The following DOCK3 variants were observed in gnomAD, a reference collection of about 807,000 sequenced individuals.
DOCK3 encodes dedicator of cytokinesis protein 3.
DOCK3 carries 60 observed loss-of-function variants against 265.6 expected under a neutral mutation model. The ratio of observed to expected loss-of-function variants is 0.23; its 90% confidence interval spans 0.18 to 0.28. The LOEUF (loss-of-function observed/expected upper bound fraction) is 0.28. Among genes scored for constraint, DOCK3 ranks in the 10% least tolerant of loss-of-function variants. DOCK3 has a pLI of 1.00. For synonymous variants in DOCK3, 881 were observed against 938.0 expected (o/e 0.94, Z 1.11); for missense variants, 1,981 against 2,594.3 (o/e 0.76, Z 5.14).
intron 1 of DOCK3, among the ~76,000 whole-genome samples, chr3:50,702,951 C>G (rs1442068704): frequency 6.6e-6 from 1 of 152,090 alleles, no homozygotes; most frequent in Non-Finnish European, 1.5e-5. Flanking sequence ...CAACTTTTCC[C>G]CATTCCGTAT....
At chr3:50,754,157 C>CAAAA (rs71084110) in intron 1 of DOCK3, among the ~76,000 whole-genome samples, 29 of 61,478 alleles carry the variant, frequency 4.7e-4, no homozygotes, top group Admixed American at 5.9e-4. Flanking sequence ...GACTCTGTCT[C>CAAAA]AAAAAAAAAA....
chr3:51,079,487 C>T (rs1234561822), intron 7 of DOCK3, among the ~76,000 whole-genome samples: 2 of 151,952 alleles, frequency 1.3e-5, no homozygotes, highest in South Asian at 2.1e-4. Context: ...TGCATGCCAC[C>T]ACACTCAGCT....
chr3:51,228,185 A>G, intron 17 of DOCK3, 97 bp downstream of exon 17: 1 of 1,210,424 alleles, frequency 8.3e-7, no homozygotes, highest in Admixed American at 1.9e-5. Context: ...TGGGCAGGCC[A>G]GAAGACCAAG....
chr3:51,075,554 C>G, intron 7 of DOCK3, 114 bp downstream of exon 7: 1 of 818,710 alleles, frequency 1.2e-6, no homozygotes, highest in African/African-American at 1.7e-5. Flanking sequence ...GGCCTCTTTC[C>G]CAGTGTATTT....
chr3:51,219,957 T>C (rs1352129969), intron 14 of DOCK3, among the ~76,000 whole-genome samples: 1 of 152,218 alleles, frequency 6.6e-6, no homozygotes, highest in African/African-American at 2.4e-5. Flanking sequence ...CCTCTCATCC[T>C]GTTAGAGCAA....
intron 3 of DOCK3, among the ~76,000 whole-genome samples, chr3:50,879,110 C>A (rs1044931213): frequency 6.6e-6 from 1 of 152,104 alleles, no homozygotes; most frequent in African/African-American, 2.4e-5. Flanking sequence ...GCCTGCCTTA[C>A]AAGAGCTCCT....
At chr3:50,802,297 G>A (rs1007603070) in intron 2 of DOCK3, among the ~76,000 whole-genome samples, 3 of 152,024 alleles carry the variant, frequency 2.0e-5, no homozygotes, top group Non-Finnish European at 4.4e-5. Context: ...GTTGAGTGGT[G>A]TTTTACATTG....
intron 2 of DOCK3, among the ~76,000 whole-genome samples, chr3:50,833,868 C>T (rs1184131825): frequency 6.6e-6 from 1 of 152,198 alleles, no homozygotes; most frequent in East Asian, 1.9e-4. Context: ...CAAATAGTTT[C>T]CAAATTCTGG....
At chr3:51,281,462 CTTTGTTTTGT>C (rs962005247) in intron 27 of DOCK3, among the ~76,000 whole-genome samples, 1 of 151,822 alleles carries the variant, frequency 6.6e-6, no homozygotes, top group East Asian at 1.9e-4. Flanking sequence ...TTTGCTTATG[CTTTGTTTTGT>C]TTTGGTCATC....
Position 51,077,733 on chromosome 3 carries a change from T to C in DOCK3, c.549+2293T>C, listed in dbSNP as rs535681829. The stretch of plus-strand genomic sequence containing the variant: ...GTGAAGCAGTAAGGATCTATAGCTG[T>C]GATTTTCTTTTCACGTTTGGGATTC... On this transcript the variant is annotated intron_variant, in intron 7 of 52. Coordinates refer to ENST00000266037, the MANE Select transcript of DOCK3 (RefSeq NM_004947.5). Among the ~76,000 whole-genome samples, 3 of 152,194 alleles carry C rather than the reference T, an allele frequency of 2.0e-5. No individual in the cohort carries two copies. The South Asian group carries it at 6.2e-4, about 32-fold the overall frequency.
At chr3:50,845,509 T>C (rs562970732) in intron 3 of DOCK3, among the ~76,000 whole-genome samples, 1 of 152,210 alleles carries the variant, frequency 6.6e-6, no homozygotes, top group East Asian at 1.9e-4. Flanking sequence ...GAATAGTAAA[T>C]ATTTTAAGCT....
intron 9 of DOCK3, among the ~76,000 whole-genome samples, chr3:51,109,372 C>T (rs529547922): frequency 6.6e-6 from 1 of 152,238 alleles, no homozygotes; most frequent in East Asian, 1.9e-4. Flanking sequence ...ACAGCTAAGA[C>T]AGTGTTAAGA....
intron 5 of DOCK3, among the ~76,000 whole-genome samples, chr3:50,970,466 T>G (rs2077165289): frequency 6.6e-6 from 1 of 152,098 alleles, no homozygotes; most frequent in African/African-American, 2.4e-5. Context: ...CCTTTACTTC[T>G]TGAAGGCTTT....
At chr3:51,333,682 G>T (rs1196618073) in intron 35 of DOCK3, among the ~76,000 whole-genome samples, 4 of 152,138 alleles carry the variant, frequency 2.6e-5, no homozygotes, top group African/African-American at 9.7e-5. Context: ...TGGAGGACTT[G>T]AAGTTGGCTT....
intron 49 of DOCK3, among the ~76,000 whole-genome samples, chr3:51,370,062 T>C (rs1486130446): frequency 3.9e-5 from 6 of 152,110 alleles, no homozygotes; most frequent in African/African-American, 1.5e-4. Context: ...ATGCTGAAGA[T>C]TTGTCAGTAT....
intron 21 of DOCK3, among the ~76,000 whole-genome samples, chr3:51,239,441 C>G (rs957133135): frequency 6.6e-6 from 1 of 152,000 alleles, no homozygotes; most frequent in Non-Finnish European, 1.5e-5. Context: ...ATCTCCTGAC[C>G]TGCCTCGGCC....
In DOCK3 at chr3:51,227,494, ACTCT is replaced by A. The variant is rs749560940; in HGVS notation, c.1540+53_1540+56del. 1.9e-6 allele frequency: 3 copies of A among 1,605,680 alleles called. No homozygotes were observed. In the South Asian group the frequency reaches 3.3e-5, roughly 18 times the overall value. ...ACATTCCCTTGAGAATATAAATATA[ACTCT>A]CTCCTCTCTTGAACAGAATTAAGTG... is the stretch of plus-strand genomic sequence containing the variant. On this transcript the variant is annotated intron_variant, in intron 16 of 52. Transcript: ENST00000266037.
chr3:51,228,527 C>A, intron 17 of DOCK3, 134 bp from the exon 18 acceptor site: 1 of 967,760 alleles, frequency 1.0e-6, no homozygotes, highest in Non-Finnish European at 1.5e-6. Context: ...AGAAAGTACT[C>A]TTCCAAGAGG....
chr3:51,079,054 T>A (rs6445802), intron 7 of DOCK3, among the ~76,000 whole-genome samples: 129,634 of 152,172 alleles, frequency 0.85, 55,525 homozygotes, highest in East Asian at 0.95. Context: ...ATCTTAAAAG[T>A]TCAAGATTCA....
Sources: allele counts gnomAD v4.1 joint callset (sites outside exome capture counted in the v4.1 genomes callset), GRCh38; gene constraint gnomAD v4.1.1; transcripts MANE v1.5; gene names NCBI Gene and HGNC (gene_info 2026-07-23, HGNC 2026-07-21).